The following ARID1B variants were observed in gnomAD, a reference collection of about 807,000 sequenced individuals.
The protein encoded by ARID1B is AT-rich interaction domain 1B.
In ARID1B, 30 loss-of-function variants were observed where a neutral mutation model predicts 212.3. The ratio of observed to expected loss-of-function variants is 0.14; its 90% confidence interval spans 0.11 to 0.19. The LOEUF is 0.19. Ranked by LOEUF, ARID1B falls within the 10% of genes least tolerant of loss-of-function variation. ARID1B has a pLI of 1.00. For synonymous variants in ARID1B, 1,402 were observed against 1,301.7 expected, an observed-to-expected ratio of 1.08 and a Z score of -1.66; for missense variants, 2,891 against 3,204.0, an observed-to-expected ratio of 0.90 and a Z score of 2.36.
intron 4 of ARID1B, among the ~76,000 whole-genome samples, chr6:157,046,141 T>A (rs1389598086): frequency 6.6e-6 from 1 of 152,260 alleles, no homozygotes; most frequent in Non-Finnish European, 1.5e-5. Context: ...TATATTTACC[T>A]GTAATATTTT....
In ARID1B at chr6:156,830,828, T is replaced by G. The variant is rs1025531268; in HGVS notation, c.1986+1407T>G. Reference sequence around the variant, plus strand: ...TAAAATGTTGTCTTTCCTCTTTATCTTTGCTCCCACTTGGATGATTTTGTT... The same window carrying G: ...TAAAATGTTGTCTTTCCTCTTTATCGTTGCTCCCACTTGGATGATTTTGTT... On this transcript the variant is annotated intron_variant, in intron 2 of 19. Transcript: ENST00000636930. Among the ~76,000 whole-genome samples the G allele has an allele frequency of 2.6e-5, 4 of 152,170 alleles. No individual in the cohort carries two copies. In the East Asian group the frequency reaches 7.7e-4, roughly 29 times the overall value.
intron 2 of ARID1B, among the ~76,000 whole-genome samples, chr6:156,839,471 A>C (rs1195477543): frequency 6.6e-6 from 1 of 152,184 alleles, no homozygotes; most frequent in Non-Finnish European, 1.5e-5. Context: ...TTTTCAACAC[A>C]TGAAATTTAG....
Position 157,209,040 on chromosome 6 carries a change from G to A in ARID1B, c.*1149G>A. On this transcript the variant is annotated 3_prime_UTR_variant, in exon 20 of 20. Transcript: ENST00000636930. ...CCAGTACAGTCAAAAAAGAGAAAAT[G>A]AAAAAAATACAACTAAAAGGAAGAA... 4.5e-6 allele frequency: 1 copy of A among 222,242 alleles called. No individual in the cohort carries two copies. The highest frequency in any genetic ancestry group is 8.8e-6 in the Non-Finnish European group (1 of 113,102). 13.8% of individuals were successfully genotyped at this position (222,242 alleles called of 1,614,324 possible). A position where few individuals can be genotyped will look rare whatever the true frequency, so the allele number is the denominator to read the frequency against.
rs1277576104 is a variant in ARID1B, at chr6:156,778,663, G to T, written c.983G>T (p.Gly328Val). The change falls in exon 1 of 20, where the codon GGC becomes GTC. Residue 328 changes from glycine (G) to valine (V), a missense_variant. Coordinates refer to ENST00000636930, the MANE Select transcript of ARID1B (RefSeq NM_001374828.1). ...GSAAPASGGP[G>V]GRAGPCFDQH... ...GCTGCCCCTGCGAGCGGCGGCCCCG[G>T]CGGCCGCGCTGGGCCTTGCTTTGAT... 7.4e-6 allele frequency: 11 copies of T among 1,489,096 alleles called. No homozygotes were observed. Among genetic ancestry groups the T allele is most frequent in the Admixed American group, 2.2e-5 (1 of 46,494 alleles). The allele number at this position is 1,489,096 out of a possible 1,614,324, so 92.2% of individuals were successfully genotyped here. A position where few individuals can be genotyped will look rare whatever the true frequency, so the allele number is the denominator to read the frequency against.
intron 4 of ARID1B, among the ~76,000 whole-genome samples, chr6:157,044,947 C>CA (rs1269033345): frequency 6.6e-6 from 1 of 152,100 alleles, no homozygotes; most frequent in African/African-American, 2.4e-5. Flanking sequence ...ATGACACAGA[C>CA]AGTTTTTAGC....
intron 4 of ARID1B, among the ~76,000 whole-genome samples, chr6:157,021,154 G>C (rs1202247578): frequency 2.0e-5 from 3 of 152,178 alleles, no homozygotes; most frequent in African/African-American, 4.8e-5. Flanking sequence ...AAGGACGCAG[G>C]ACCGCTTTCA....
Position 156,778,693 on chromosome 6 carries a change from A to G in ARID1B, c.1013A>G (p.His338Arg). 2 of 1,511,326 alleles carry G rather than the reference A, an allele frequency of 1.3e-6. No homozygotes were observed. The highest frequency in any genetic ancestry group is 1.8e-6 in the Non-Finnish European group (2 of 1,128,116). The allele number at this position is 1,511,326 out of a possible 1,614,324, so 93.6% of individuals were successfully genotyped here. A position where few individuals can be genotyped will look rare whatever the true frequency, so the allele number is the denominator to read the frequency against. ...GGRAGPCFDQ[H>R]GGQQSPGMGM... ...CGCGCTGGGCCTTGCTTTGATCAAC[A>G]TGGCGGACAACAAAGCCCCGGGATG... is the stretch of plus-strand genomic sequence containing the variant. The change falls in exon 1 of 20, where the codon CAT becomes CGT. Residue 338 changes from histidine to arginine, a missense_variant. Around this residue, in one of 7 missense-constraint regions of ARID1B, gnomAD observed 1,643 missense variants for 1,544.0 expected, o/e 1.06. Transcript: ENST00000636930.
At chr6:156,870,515 T>G (rs1270481715) in intron 2 of ARID1B, 1 of 152,232 alleles carries the variant, frequency 6.6e-6, no homozygotes, top group Non-Finnish European at 1.5e-5. Context: ...TTGAACAAAT[T>G]ATTTAGGTTA....
chr6:157,074,131 T>C (rs1784162191), intron 4 of ARID1B, among the ~76,000 whole-genome samples: 1 of 152,228 alleles, frequency 6.6e-6, no homozygotes. Flanking sequence ...ATTGCATGCC[T>C]TTGAGAAGCA....
intron 4 of ARID1B, among the ~76,000 whole-genome samples, chr6:157,000,413 C>CAGT (rs1328750195): frequency 5.9e-5 from 9 of 152,052 alleles, no homozygotes; most frequent in Non-Finnish European, 1.2e-4. Flanking sequence ...GATGTGAGAA[C>CAGT]AGTAAAGTAA....
intron 4 of ARID1B, among the ~76,000 whole-genome samples, chr6:156,960,212 A>T (rs1331454458): frequency 6.6e-6 from 1 of 152,098 alleles, no homozygotes; most frequent in Non-Finnish European, 1.5e-5. Context: ...TACAGGCATG[A>T]GCCACCACGC....
At chr6:156,840,778 C>CAG (rs201458245) in intron 2 of ARID1B, among the ~76,000 whole-genome samples, 2 of 152,008 alleles carry the variant, frequency 1.3e-5, no homozygotes, top group Non-Finnish European at 2.9e-5. Context: ...GTCTTGCTGT[C>CAG]TTGCTGTGTC....
rs1455028720 is a variant in ARID1B at position 157,137,895 on chromosome 6, T to C, written c.2761+4688T>C. Among the ~76,000 whole-genome samples the C allele has an allele frequency of 2.6e-5, 4 of 152,160 alleles. No homozygotes were observed. The East Asian group carries it at 7.7e-4, about 29-fold the overall frequency. On this transcript the variant is annotated intron_variant, in intron 7 of 19. Transcript: ENST00000636930. ...TTGGTAAAGGTGTTTTTCAGAAGGG[T>C]TTAAAGATTTTTTTTTTCACTAAAA...
intron 3 of ARID1B, among the ~76,000 whole-genome samples, chr6:156,910,911 CA>C (rs1424159097): frequency 2.0e-5 from 3 of 152,002 alleles, no homozygotes; most frequent in Non-Finnish European, 2.9e-5. Context: ...TCTCCCCACA[CA>C]AAATTTTAAA....
In ARID1B at chr6:157,201,288, A is replaced by G. The variant is rs367764610; in HGVS notation, c.5063A>G (p.Asn1688Ser). 6.2e-7 allele frequency: 1 copy of G among 1,613,994 alleles called. No individual in the cohort carries two copies. The highest frequency in any genetic ancestry group is 1.3e-5 in the African/African-American group (1 of 74,934). ...SPASFQRSLENRMSPSKSPFL... is the reference protein window; with the variant it reads ...SPASFQRSLESRMSPSKSPFL... ...GCGTCCTTCCAGCGCTCCCTGGAGA[A>G]CCGCATGTCTCCAAGCAAGTCTCCT... Residue 1688 changes from asparagine to serine, a missense_variant, in exon 18 of 20, where the codon AAC becomes AGC. Coordinates refer to ENST00000636930, the MANE Select transcript of ARID1B (RefSeq NM_001374828.1). The surrounding 1 kb of genome is among the most constrained non-coding windows in gnomAD (Gnocchi z 5.2).
In ARID1B at chr6:157,084,683, G is replaced by T. The variant is rs1402743028; in HGVS notation, c.2269G>T (p.Asp757Tyr). Residue 757 changes from aspartate (D) to tyrosine (Y), a missense_variant, in exon 5 of 20, where the codon GAC becomes TAC. This residue lies in a region of ARID1B where 1,643 missense variants were observed against 1,544.0 expected (regional missense o/e 1.06). Transcript: ENST00000636930. Reference sequence around the variant, plus strand: ...TTAGGATCTGTCTGGCTCCATTGATGACCTCCCCACGGGAACGGAAGCAAC... The same window carrying T: ...TTAGGATCTGTCTGGCTCCATTGATTACCTCCCCACGGGAACGGAAGCAAC... ...SLPDLSGSIDDLPTGTEATLS... is the reference protein window; with the variant it reads ...SLPDLSGSIDYLPTGTEATLS... 1.9e-6 allele frequency: 3 copies of T among 1,613,934 alleles called. No individual in the cohort carries two copies. Among genetic ancestry groups the T allele is most frequent in the Non-Finnish European group, 2.5e-6 (3 of 1,180,012 alleles).
intron 8 of ARID1B, among the ~76,000 whole-genome samples, chr6:157,162,722 A>T (rs568285961): frequency 3.3e-5 from 5 of 152,330 alleles, no homozygotes; most frequent in Non-Finnish European, 7.4e-5. Flanking sequence ...TAAGAGGAGG[A>T]GGGAGCGGTG....
chr6:156,958,345 G>C (rs1794119575), intron 4 of ARID1B, among the ~76,000 whole-genome samples: 1 of 152,194 alleles, frequency 6.6e-6, no homozygotes, highest in African/African-American at 2.4e-5. Flanking sequence ...GTATTTGTTT[G>C]ATTCTGTGGC....
At position 156,905,250 on chromosome 6, in the gene ARID1B, GCACA is replaced by G. The variant is rs138326649; in HGVS notation, c.2136+3754_2136+3757del. ...GAATCAATTGTGCTCACATATGCAC[GCACA>G]CACACACACACACACACACACACAC... is the stretch of plus-strand genomic sequence containing the variant. On this transcript the variant is annotated intron_variant, in intron 3 of 19. Coordinates refer to ENST00000636930, the MANE Select transcript of ARID1B (RefSeq NM_001374828.1). Among the ~76,000 whole-genome samples the G allele has an allele frequency of 4.1e-3, 593 of 143,816 alleles. 1 individual carries two copies. The highest frequency in any genetic ancestry group is 5.1e-3 in the Non-Finnish European group (337 of 66,028). The allele number at this position is 143,816 out of a possible 152,430, so 94.3% of individuals were successfully genotyped here.
Sources: allele counts gnomAD v4.1 joint callset (sites outside exome capture counted in the v4.1 genomes callset), GRCh38; gene constraint gnomAD v4.1.1; regional missense constraint gnomAD v4.1.1; non-coding constraint Gnocchi (gnomAD v3.1); transcripts MANE v1.5; gene names NCBI Gene and HGNC (gene_info 2026-07-23, HGNC 2026-07-21).